FAR2: variants seen among roughly 807,000 people sequenced by gnomAD.
FAR2 encodes fatty acyl-CoA reductase 2, also known as epididymis secretory protein Li 81.
FAR2 carries 19 observed loss-of-function variants against 56.0 expected under a neutral mutation model. The ratio of observed to expected loss-of-function variants is 0.34; its 90% CI spans 0.24 to 0.50. The LOEUF (loss-of-function observed/expected upper bound fraction) is 0.50, where lower values mean the gene tolerates loss of function less well. Among genes scored for constraint, FAR2 ranks in the 20% least tolerant of loss-of-function variants. The pLI, the probability that FAR2 is intolerant of heterozygous loss-of-function variation, is 0.98. For synonymous variants in FAR2, 219 were observed against 218.8 expected (o/e 1.00, Z -0.01); for missense variants, 508 against 642.2 (o/e 0.79, Z 2.26).
chr12:29,271,385 C>A (rs1165369190), intron 2 of FAR2, among the ~76,000 whole-genome samples: 1 of 152,118 alleles, frequency 6.6e-6, no homozygotes, highest in South Asian at 2.1e-4. Flanking sequence ...TTTAGATTTT[C>A]AAACTTTCCA....
intron 1 of FAR2, among the ~76,000 whole-genome samples, chr12:29,211,720 G>T (rs1947551934): frequency 6.6e-6 from 1 of 151,990 alleles, no homozygotes; most frequent in African/African-American, 2.4e-5. Flanking sequence ...AAAAGATGGT[G>T]CTATGTGAGT....
intron 1 of FAR2, among the ~76,000 whole-genome samples, chr12:29,154,469 C>G (rs1949708937): frequency 6.6e-6 from 1 of 150,892 alleles, no homozygotes; most frequent in South Asian, 2.1e-4. Context: ...GAGTCTCTCT[C>G]TCTTGCCCAG....
At chr12:29,317,099 T>C in intron 9 of FAR2, 87 bp downstream of exon 9, 1 of 1,380,286 alleles carries the variant, frequency 7.2e-7, no homozygotes, top group Non-Finnish European at 9.8e-7. Flanking sequence ...CAGCCGAGGA[T>C]TAAAGGAGAC....
At chr12:29,229,757 A>G (rs978311135) in intron 1 of FAR2, among the ~76,000 whole-genome samples, 1 of 152,214 alleles carries the variant, frequency 6.6e-6, no homozygotes, top group African/African-American at 2.4e-5. Context: ...GCATAACATT[A>G]CAACTGTGGT....
At chr12:29,174,202 A>G (rs1445487061) in intron 1 of FAR2, among the ~76,000 whole-genome samples, 1 of 152,096 alleles carries the variant, frequency 6.6e-6, no homozygotes, top group East Asian at 1.9e-4. Flanking sequence ...AGCTTCAGGA[A>G]TAGCTTTTGT....
intron 1 of FAR2, among the ~76,000 whole-genome samples, chr12:29,189,936 A>G (rs1950086708): frequency 6.6e-6 from 1 of 151,782 alleles, no homozygotes; most frequent in Non-Finnish European, 1.5e-5. Context: ...CTTTGAAGAT[A>G]CAGCTGGTAG....
intron 9 of FAR2, among the ~76,000 whole-genome samples, chr12:29,320,613 A>G (rs1054892697): frequency 1.3e-5 from 2 of 152,226 alleles, no homozygotes; most frequent in Admixed American, 1.3e-4. Flanking sequence ...TTAACTACAA[A>G]TCAAGTGCTT....
At chr12:29,225,843 A>G (rs1947759986) in intron 1 of FAR2, among the ~76,000 whole-genome samples, 2 of 152,200 alleles carry the variant, frequency 1.3e-5, no homozygotes, top group Admixed American at 1.3e-4. Flanking sequence ...ATTTCCAAAC[A>G]AAGGACTATG....
Position 29,301,345 on chromosome 12 carries a change from C to T in FAR2, c.545+4145C>T, listed in dbSNP as rs1368024016. ...TCCCATTCTGACTCAGCTCTACCTTCATATTGCCAGCTTCTGCCTAGTTGG... is the reference window on the plus strand; with the variant it reads ...TCCCATTCTGACTCAGCTCTACCTTTATATTGCCAGCTTCTGCCTAGTTGG... On this transcript the variant is annotated intron_variant, in intron 4 of 11. Transcript: ENST00000536681. 6.6e-5 allele frequency among the ~76,000 whole-genome samples: 10 copies of T among 152,288 alleles called. No individual in the cohort carries two copies. The East Asian group carries it at 1.9e-3, about 29-fold the overall frequency.
intron 1 of FAR2, chr12:29,151,687 G>A (rs546384293): frequency 6.6e-6 from 1 of 152,120 alleles, no homozygotes. Flanking sequence ...CCACATTTAC[G>A]GTGAGTTCTC....
At chr12:29,163,844 C>T (rs1221536416) in intron 1 of FAR2, among the ~76,000 whole-genome samples, 1 of 152,156 alleles carries the variant, frequency 6.6e-6, no homozygotes, top group Non-Finnish European at 1.5e-5. Flanking sequence ...CAGTTAATCA[C>T]GGCCACAGAA....
chr12:29,247,496 G>A (rs1424914387), intron 1 of FAR2, among the ~76,000 whole-genome samples: 1 of 152,096 alleles, frequency 6.6e-6, no homozygotes, highest in Non-Finnish European at 1.5e-5. Flanking sequence ...TAGTCTTCTT[G>A]GTGGACTTAG....
At chr12:29,296,058 G>A (rs10843381) in intron 3 of FAR2, among the ~76,000 whole-genome samples, 2,449 of 152,174 alleles carry the variant, frequency 0.016, 65 homozygotes, top group African/African-American at 0.05. Context: ...GTGAGCCACC[G>A]CGCCCGGCCT....
intron 1 of FAR2, among the ~76,000 whole-genome samples, chr12:29,239,327 G>A (rs1334609254): frequency 6.6e-6 from 1 of 152,104 alleles, no homozygotes; most frequent in Non-Finnish European, 1.5e-5. Context: ...CTAGAGAACT[G>A]GCATGAGAAA....
At chr12:29,231,205 C>T (rs894586021) in intron 1 of FAR2, among the ~76,000 whole-genome samples, 4 of 152,164 alleles carry the variant, frequency 2.6e-5, no homozygotes, top group African/African-American at 9.7e-5. Flanking sequence ...TTAGGAAATA[C>T]AACAGTCCAG....
At chr12:29,239,329 C>T (rs1304825935) in intron 1 of FAR2, among the ~76,000 whole-genome samples, 12 of 152,070 alleles carry the variant, frequency 7.9e-5, no homozygotes, top group Admixed American at 7.9e-4. Context: ...AGAGAACTGG[C>T]ATGAGAAAGG....
At chr12:29,264,657 A>G (rs1211415381) in intron 1 of FAR2, among the ~76,000 whole-genome samples, 1 of 104,220 alleles carries the variant, frequency 9.6e-6, no homozygotes, top group African/African-American at 4.2e-5. Context: ...ATAAATAAAT[A>G]AAGGAGAGAG....
chr12:29,222,926 C>G (rs187890581), intron 1 of FAR2, among the ~76,000 whole-genome samples: 1 of 152,282 alleles, frequency 6.6e-6, no homozygotes, highest in Admixed American at 6.5e-5. Flanking sequence ...ACAAAATTAT[C>G]TAGCAGAATT....
chr12:29,228,878 G>A (rs537143063), intron 1 of FAR2, among the ~76,000 whole-genome samples: 25 of 152,296 alleles, frequency 1.6e-4, no homozygotes, highest in Admixed American at 1.3e-4. Flanking sequence ...ATGAGTTGCC[G>A]TGCCCAGCCA....
Sources: allele counts gnomAD v4.1 joint callset (sites outside exome capture counted in the v4.1 genomes callset), GRCh38; gene constraint gnomAD v4.1.1; transcripts MANE v1.5; gene names NCBI Gene and HGNC (gene_info 2026-07-23, HGNC 2026-07-21).